FBXL13: variants seen among roughly 807,000 people sequenced by gnomAD.
FBXL13 encodes F-box and leucine-rich repeat protein 13.
FBXL13 carries 67 observed loss-of-function variants against 83.6 expected under a neutral mutation model. The ratio of observed to expected loss-of-function variants is 0.80; its 90% CI spans 0.66 to 0.98. The LOEUF (loss-of-function observed/expected upper bound fraction) is 0.98. Among genes scored for constraint, FBXL13 ranks in the 50% least tolerant of loss-of-function variants. The pLI, the probability that FBXL13 is intolerant of heterozygous loss-of-function variation, is 0.00. For missense variants in FBXL13, 822 were observed against 866.5 expected, an observed-to-expected ratio of 0.95 and a Z score of 0.64; for synonymous variants, 272 against 299.5, an observed-to-expected ratio of 0.91 and a Z score of 0.95.
At chr7:102,867,011 CT>C (rs1159748089) in intron 16 of FBXL13, among the ~76,000 whole-genome samples, 2 of 152,068 alleles carry the variant, frequency 1.3e-5, no homozygotes, top group African/African-American at 4.8e-5. Flanking sequence ...GAAGGAGATC[CT>C]AAGCCTGCCC....
At chr7:102,853,945 T>C (rs996129759) in intron 17 of FBXL13, among the ~76,000 whole-genome samples, 2 of 152,144 alleles carry the variant, frequency 1.3e-5, no homozygotes, top group African/African-American at 2.4e-5. Flanking sequence ...AGTTCAACCA[T>C]TGTGGAAGCC....
intron 6 of FBXL13, among the ~76,000 whole-genome samples, chr7:102,969,379 G>A (rs1826338414): frequency 6.6e-6 from 1 of 152,026 alleles, no homozygotes; most frequent in Non-Finnish European, 1.5e-5. Context: ...CTAGGTTTGT[G>A]TAGCACTCTA....
intron 6 of FBXL13, among the ~76,000 whole-genome samples, chr7:103,013,622 C>T (rs1303212180): frequency 6.6e-6 from 1 of 152,030 alleles, no homozygotes; most frequent in Non-Finnish European, 1.5e-5. Flanking sequence ...ATTTCTGGGA[C>T]ACGGCCAAAG....
At chr7:102,866,375 G>A (rs563450962) in intron 16 of FBXL13, among the ~76,000 whole-genome samples, 16 of 152,138 alleles carry the variant, frequency 1.1e-4, no homozygotes, top group Non-Finnish European at 2.1e-4. Context: ...AGCTTGATGG[G>A]ACCAACATAG....
intron 2 of FBXL13, among the ~76,000 whole-genome samples, chr7:103,032,716 C>G (rs1018809790): frequency 2.6e-5 from 4 of 152,106 alleles, no homozygotes; most frequent in Admixed American, 6.5e-5. Flanking sequence ...ATTCTGTTAC[C>G]TGGGCCTGTC....
At chr7:103,033,751 A>G (rs903338023) in intron 2 of FBXL13, among the ~76,000 whole-genome samples, 2 of 152,176 alleles carry the variant, frequency 1.3e-5, no homozygotes, top group Non-Finnish European at 2.9e-5. Flanking sequence ...AGAATGAAAG[A>G]ACAAAGCTTC....
At chr7:103,002,895 C>A (rs1790551149) in intron 6 of FBXL13, among the ~76,000 whole-genome samples, 2 of 152,086 alleles carry the variant, frequency 1.3e-5, no homozygotes, top group Non-Finnish European at 2.9e-5. Flanking sequence ...TGTGTTGAAT[C>A]TATTTGGTGA....
At position 103,035,653 on chromosome 7, in the gene FBXL13, A is replaced by G. The variant is rs184368711; in HGVS notation, c.1-6235T>C. On this transcript the variant is annotated intron_variant, in intron 2 of 19. Coordinates refer to ENST00000313221, the Ensembl canonical transcript of FBXL13. ...AAAGTTTCAGTTCTATAAAATACTTAAAGTATCTAGTAAAGTATTAAGAAT... is the reference window on the plus strand; with the variant it reads ...AAAGTTTCAGTTCTATAAAATACTTGAAGTATCTAGTAAAGTATTAAGAAT... 6.4e-4 allele frequency among the ~76,000 whole-genome samples: 97 copies of G among 152,322 alleles called. 1 individual carries two copies. The highest frequency in any genetic ancestry group is 5.9e-4 in the Non-Finnish European group (40 of 68,032).
chr7:102,864,006 T>C (rs536964213), intron 16 of FBXL13, among the ~76,000 whole-genome samples: 4 of 152,196 alleles, frequency 2.6e-5, no homozygotes, highest in Admixed American at 6.5e-5. Context: ...TTGCTCATCC[T>C]TTCTTCAATA....
rs191891071 is a variant in FBXL13, at chr7:102,966,154, T to A, written c.591+1868A>T. ...AACTGATTTCATCTTACCAAACCTA[T>A]CTTAGCTAACAAATTAGGTGTTCCT... On this transcript the variant is annotated intron_variant, in intron 7 of 19. Coordinates refer to ENST00000313221, the Ensembl canonical transcript of FBXL13. Among the ~76,000 whole-genome samples the A allele has an allele frequency of 1.6e-3, 243 of 152,302 alleles. 1 individual carries two copies. Among genetic ancestry groups the A allele is most frequent in the Admixed American group, 2.0e-3 (30 of 15,294 alleles).
At chr7:103,037,075 T>G (rs1171122778) in intron 2 of FBXL13, among the ~76,000 whole-genome samples, 1 of 152,192 alleles carries the variant, frequency 6.6e-6, no homozygotes, top group Non-Finnish European at 1.5e-5. Context: ...TACATAAATA[T>G]CATATCATTA....
chr7:102,976,870 T>C (rs1318236017), intron 6 of FBXL13, among the ~76,000 whole-genome samples: 1 of 152,216 alleles, frequency 6.6e-6, no homozygotes. Context: ...TTAACCAAGC[T>C]GTACTCCCAG....
intron 8 of FBXL13, among the ~76,000 whole-genome samples, chr7:102,938,886 A>G (rs1585042403): frequency 6.6e-6 from 1 of 152,214 alleles, no homozygotes; most frequent in African/African-American, 2.4e-5. Flanking sequence ...ATTTTTACCC[A>G]GGACTGCTGC....
intron 6 of FBXL13, among the ~76,000 whole-genome samples, chr7:102,985,800 A>T (rs1828875384): frequency 6.6e-6 from 1 of 152,242 alleles, no homozygotes; most frequent in Non-Finnish European, 1.5e-5. Flanking sequence ...TAATGGGGGA[A>T]AAACAACATT....
At chr7:103,011,456 G>A (rs1476386476) in intron 6 of FBXL13, among the ~76,000 whole-genome samples, 1 of 152,012 alleles carries the variant, frequency 6.6e-6, no homozygotes, top group East Asian at 1.9e-4. Context: ...CCAACATGGT[G>A]AAACCCCATC....
chr7:102,933,253 T>C (rs1446682745), intron 8 of FBXL13: 1 of 152,012 alleles, frequency 6.6e-6, no homozygotes, highest in Non-Finnish European at 1.5e-5. Context: ...CCCAACATGG[T>C]TGGTGACTGG....
chr7:102,868,332 C>A (rs71572205), intron 16 of FBXL13, among the ~76,000 whole-genome samples: 1 of 152,166 alleles, frequency 6.6e-6, no homozygotes, highest in African/African-American at 2.4e-5. Context: ...TCCCCAGCCT[C>A]TGGTAGCCAT....
At chr7:102,883,456 C>T in exon 14 of FBXL13, 1 of 1,608,462 alleles carries the variant, frequency 6.2e-7, no homozygotes, top group Non-Finnish European at 8.5e-7. Flanking sequence ...GCATCAGTAA[C>T]CCTTTTATTT....
chr7:102,834,140 A>AAG (rs1801403118), intron 17 of FBXL13, among the ~76,000 whole-genome samples: 1 of 102,992 alleles, frequency 9.7e-6, no homozygotes, highest in East Asian at 3.4e-4. Flanking sequence ...GAAAGAAAGA[A>AAG]AAGAGAAGAC....
Sources: gnomAD v4.1 joint callset for allele counts (sites outside exome capture counted in the v4.1 genomes callset) on GRCh38, gnomAD v4.1.1 for gene constraint, MANE v1.5 for transcripts, NCBI Gene and HGNC (gene_info 2026-07-23, HGNC 2026-07-21) for gene names.